RGP1: variants seen among roughly 807,000 people sequenced by gnomAD.
RGP1 encodes the protein RGP1 partner of RAB6A GEF complex.
In RGP1, 28 loss-of-function variants were observed where a neutral mutation model predicts 44.5. The observed-to-expected ratio is 0.63, with a 90% CI of 0.47 to 0.86. The LOEUF (loss-of-function observed/expected upper bound fraction) is 0.86. Ranked by LOEUF, RGP1 falls within the 40% of genes least tolerant of loss-of-function variation. RGP1 has a pLI of 0.00. For synonymous variants in RGP1, 212 were observed against 196.7 expected (o/e 1.08, Z -0.65); for missense variants, 417 against 490.7 (o/e 0.85, Z 1.42).
chr9:35,756,303 T>G lies in RGP1; in HGVS notation c.*3429T>G, dbSNP rs1171948781. The G allele has an allele frequency of 6.6e-6, 1 of 152,280 alleles. No homozygotes were observed. Among genetic ancestry groups the G allele is most frequent in the Non-Finnish European group, 1.5e-5 (1 of 68,080 alleles). 9.4% of individuals were successfully genotyped at this position (152,280 alleles called of 1,614,324 possible). A position where few individuals can be genotyped will look rare whatever the true frequency, so the allele number is the denominator to read the frequency against. On this transcript the variant is annotated 3_prime_UTR_variant, in exon 9 of 9. Transcript: ENST00000378078. ...TCAGATACAGCTACTTCTGGCTGAC[T>G]TTTCAAGGGGGACCACCCTACCTGT...
chr9:35,780,885 T>C, the RGP1 span, among the ~76,000 whole-genome samples: 1 of 152,034 alleles, frequency 6.6e-6, no homozygotes, highest in East Asian at 1.9e-4. Context: ...AGAGTGAGAC[T>C]CTGTCTCAAA....
In RGP1 at chr9:35,757,505, T is replaced by C. The variant is rs913020922; in HGVS notation, c.*4631T>C. The C allele has an allele frequency of 6.6e-6, 1 of 151,904 alleles. No individual in the cohort carries two copies. Among genetic ancestry groups the C allele is most frequent in the African/African-American group, 2.4e-5 (1 of 41,206 alleles). The allele number at this position is 151,904 out of a possible 1,614,324, so 9.4% of individuals were successfully genotyped here. Reference sequence around the variant, plus strand: ...AGAAAGGGAAGGAGAGCCGGATTGATTGGGGTGAGAGAGGAAGGAAGCACG... The same window carrying C: ...AGAAAGGGAAGGAGAGCCGGATTGACTGGGGTGAGAGAGGAAGGAAGCACG... On this transcript the variant is annotated 3_prime_UTR_variant, in exon 9 of 9. Transcript: ENST00000378078.
chr9:35,749,848 G>A lies in RGP1; in HGVS notation c.93G>A (p.Pro31=), dbSNP rs2236288. 2 of 1,612,536 alleles carry A rather than the reference G, an allele frequency of 1.2e-6. No homozygotes were observed. Among genetic ancestry groups the A allele is most frequent in the Non-Finnish European group, 8.5e-7 (1 of 1,179,204 alleles). ...TAGTGACCGTCACCAACCCCCTTCCGCCCACGGCCACTTCTGCATCCAGGT... is the reference window on the plus strand; with the variant it reads ...TAGTGACCGTCACCAACCCCCTTCCACCCACGGCCACTTCTGCATCCAGGT... ...ECVVTVTNPL[P]PTATSASSEA... is the part of the protein sequence containing the mutation. The change falls in exon 2 of 9, where the codon CCG becomes CCA. Residue 31 remains proline, a synonymous_variant. Transcript: ENST00000378078. The surrounding 1 kb of genome is among the most constrained non-coding windows in gnomAD (Gnocchi z 4.4).
At chr9:35,780,385 AT>A in the RGP1 span, 1 of 152,372 alleles carries the variant, frequency 6.6e-6, no homozygotes, top group Non-Finnish European at 1.5e-5. Context: ...GACTCTGACC[AT>A]GATGTTGTGA....
the RGP1 span, among the ~76,000 whole-genome samples, chr9:35,784,713 C>A: frequency 6.6e-6 from 1 of 152,266 alleles, no homozygotes; most frequent in South Asian, 2.1e-4. Context: ...CGTGATCCAC[C>A]CGCCTCGGCC....
Position 35,749,954 on chromosome 9 carries a change from C to A in RGP1, c.116+83C>A. 9.2e-7 allele frequency: 1 copy of A among 1,085,456 alleles called. No homozygotes were observed. Among genetic ancestry groups the A allele is most frequent in the Non-Finnish European group, 1.4e-6 (1 of 728,828 alleles). The allele number at this position is 1,085,456 out of a possible 1,614,324, so 67.2% of individuals were successfully genotyped here. ...GGGGCTGAGGCAGAGCTCAGGTTGT[C>A]CTGTAGCGACACCACCTCCTCTTGC... On this transcript the variant is annotated intron_variant, in intron 2 of 8. Coordinates refer to ENST00000378078, the MANE Select transcript of RGP1 (RefSeq NM_001080496.3). The surrounding 1 kb of genome is among the most constrained non-coding windows in gnomAD (Gnocchi z 4.4).
the RGP1 span, among the ~76,000 whole-genome samples, chr9:35,776,723 C>T: frequency 2.0e-5 from 3 of 152,078 alleles, no homozygotes; most frequent in South Asian, 2.1e-4. Flanking sequence ...GGGCCAGGCG[C>T]GGTGGTTCAC....
the RGP1 span, among the ~76,000 whole-genome samples, chr9:35,773,757 C>T: frequency 2.0e-5 from 3 of 152,134 alleles, no homozygotes; most frequent in East Asian, 1.9e-4. Flanking sequence ...CCACCTTGGC[C>T]TCCCAAAATG....
Position 35,752,706 on chromosome 9 carries a change from G to A in RGP1, c.1008G>A (p.Leu336=), listed in dbSNP as rs1827286489. The change falls in exon 9 of 9, where the codon TTG becomes TTA. Residue 336 remains leucine, a synonymous_variant. Transcript: ENST00000378078. ...TTGTAACGTCCCGAGAACCAGGATT[G>A]GTACTCCTACCCCCTGTGGAACAGC... ...FEFVTSREPG[L]VLLPPVEQPE... 6.2e-7 allele frequency: 1 copy of A among 1,613,514 alleles called. No homozygotes were observed. The highest frequency in any genetic ancestry group is 1.1e-5 in the South Asian group (1 of 91,014).
the RGP1 span, among the ~76,000 whole-genome samples, chr9:35,774,350 A>C: frequency 1.2e-4 from 18 of 152,330 alleles, no homozygotes; most frequent in Admixed American, 1.0e-3. Flanking sequence ...CGGTAGGCAG[A>C]CTAAGTGTGT....
Position 35,749,863 on chromosome 9 carries a change from T to A in RGP1, c.108T>A (p.Ser36=). The change falls in exon 2 of 9, where the codon TCT becomes TCA. Residue 36 remains serine (S), a synonymous_variant. Transcript: ENST00000378078. This position sits in a 1 kb window ranked among gnomAD's most constrained non-coding sequence, Gnocchi z 4.4. The part of the protein sequence containing the change: ...VTNPLPPTAT[S]ASSEALAWAS... ...ACCCCCTTCCGCCCACGGCCACTTC[T>A]GCATCCAGGTGGGGATGCTGGCACT... The A allele has an allele frequency of 6.2e-7, 1 of 1,608,926 alleles. No individual in the cohort carries two copies. Among genetic ancestry groups the A allele is most frequent in the Non-Finnish European group, 8.5e-7 (1 of 1,175,950 alleles).
rs1827380513 is a variant in RGP1, at chr9:35,757,805, TGCCA to T, written c.*4932_*4935del. 1 of 152,222 alleles carries T rather than the reference TGCCA, an allele frequency of 6.6e-6. No individual in the cohort carries two copies. The highest frequency in any genetic ancestry group is 1.5e-5 in the Non-Finnish European group (1 of 68,038). 9.4% of individuals were successfully genotyped at this position (152,222 alleles called of 1,614,324 possible). On this transcript the variant is annotated 3_prime_UTR_variant, in exon 9 of 9. Transcript: ENST00000378078. ...GTTGTCTGCGTCTTGGATTACTGTC[TGCCA>T]TTCAGCCTTTGCCAAAAAATTTGGC... is the stretch of plus-strand genomic sequence containing the variant.
At chr9:35,776,666 A>G in the RGP1 span, among the ~76,000 whole-genome samples, 3 of 151,998 alleles carry the variant, frequency 2.0e-5, no homozygotes, top group Non-Finnish European at 4.4e-5. Flanking sequence ...AGTCTAAGTC[A>G]GCCCTACAGT....
At chr9:35,772,690 C>G in the RGP1 span, among the ~76,000 whole-genome samples, 1 of 151,190 alleles carries the variant, frequency 6.6e-6, no homozygotes, top group East Asian at 2.0e-4. Context: ...ACTCAGGAGG[C>G]TGAGGCAGGA....
rs778850556 is a variant in RGP1 at position 35,752,818 on chromosome 9, C to G, written c.1120C>G (p.Pro374Ala). ...DLPIKVLPTS[P>A]TLASYAAPGP... ...GCCCATCAAGGTGCTGCCTACTAGCCCCACCCTGGCCTCATATGCTGCCCC... is the reference window on the plus strand; with the variant it reads ...GCCCATCAAGGTGCTGCCTACTAGCGCCACCCTGGCCTCATATGCTGCCCC... Residue 374 changes from proline to alanine, a missense_variant, in exon 9 of 9, where the codon CCC (proline) becomes GCC (alanine). Transcript: ENST00000378078. 6.2e-7 allele frequency: 1 copy of G among 1,613,824 alleles called. No homozygotes were observed. The highest frequency in any genetic ancestry group is 1.1e-5 in the South Asian group (1 of 91,058).
In RGP1 at chr9:35,753,338, G is replaced by C; in HGVS notation, c.*464G>C. ...ACAGTGAAAGGCTGCCTTTATCCCT[G>C]CCCACATGTTCCCTCTCTCACAGTT... On this transcript the variant is annotated 3_prime_UTR_variant, in exon 9 of 9. Transcript: ENST00000378078. This position sits in a 1 kb window ranked among gnomAD's most constrained non-coding sequence, Gnocchi z 4.2. The C allele has an allele frequency of 1.3e-6, 2 of 1,555,038 alleles. No homozygotes were observed. Among genetic ancestry groups the C allele is most frequent in the Non-Finnish European group, 1.7e-6 (2 of 1,144,912 alleles).
chr9:35,781,983 G>GTT, the RGP1 span, among the ~76,000 whole-genome samples: 108 of 90,656 alleles, frequency 1.2e-3, 1 homozygote, highest in African/African-American at 1.7e-3. Context: ...TATTTCTCTC[G>GTT]TTTTTTTTTT....
chr9:35,772,736 A>T, the RGP1 span, among the ~76,000 whole-genome samples: 1 of 150,448 alleles, frequency 6.6e-6, no homozygotes, highest in Admixed American at 6.7e-5. Context: ...GCTTGCAGTG[A>T]GCCGAGATCG....
rs183778836 is a variant in RGP1 at position 35,753,823 on chromosome 9, G to A, written c.*949G>A. The A allele has an allele frequency of 9.4e-5, 146 of 1,550,308 alleles. No individual in the cohort carries two copies. The highest frequency in any genetic ancestry group is 5.1e-4 in the Middle Eastern group (3 of 5,912). Reference sequence around the variant, plus strand: ...GTAGGAGTGCTGATGAGAGGCAGAGGCTCTTCTGGTCTGGGGTGGAGACAG... The same window carrying A: ...GTAGGAGTGCTGATGAGAGGCAGAGACTCTTCTGGTCTGGGGTGGAGACAG... On this transcript the variant is annotated 3_prime_UTR_variant, in exon 9 of 9. Coordinates refer to ENST00000378078, the MANE Select transcript of RGP1 (RefSeq NM_001080496.3). This position sits in a 1 kb window ranked among gnomAD's most constrained non-coding sequence, Gnocchi z 4.2.
Sources: gnomAD v4.1 joint callset for allele counts (sites outside exome capture counted in the v4.1 genomes callset) on GRCh38, gnomAD v4.1.1 for gene constraint, Gnocchi (gnomAD v3.1) non-coding constraint, MANE v1.5 for transcripts, NCBI Gene and HGNC (gene_info 2026-07-23, HGNC 2026-07-21) for gene names.